The following PDE10A variants were observed in gnomAD, a reference collection of about 807,000 sequenced individuals.
PDE10A encodes the protein phosphodiesterase 10A.
Under a neutral mutation model 97.7 loss-of-function variants are expected in PDE10A, and 39 were observed. The ratio of observed to expected loss-of-function variants is 0.40; its 90% CI spans 0.31 to 0.52. The LOEUF (loss-of-function observed/expected upper bound fraction) is 0.52. Among genes scored for constraint, PDE10A ranks in the 20% least tolerant of loss-of-function variants. The pLI is 0.56. For synonymous variants in PDE10A, 371 were observed against 376.8 expected (o/e 0.98, Z 0.18); for missense variants, 731 against 1,047.8 (o/e 0.70, Z 4.17).
intron 1 of PDE10A, among the ~76,000 whole-genome samples, chr6:165,587,433 G>C (rs529502624): frequency 6.6e-4 from 101 of 152,234 alleles, no homozygotes; most frequent in African/African-American, 2.4e-3. Flanking sequence ...TAGGTTCTTG[G>C]GTCCTAGATG....
rs116983450 is a variant in PDE10A at position 165,503,316 on chromosome 6, G to A, written c.995-20973C>T. 1.7e-3 allele frequency among the ~76,000 whole-genome samples: 256 copies of A among 152,184 alleles called. 4 individuals are homozygous for A. In the East Asian group the frequency reaches 0.028, roughly 17 times the overall value. The stretch of plus-strand genomic sequence containing the variant: ...CATATTATTCCTTTCCCTTAAAACC[G>A]CTTCAAATCATTCTGCACAGTATCA... On this transcript the variant is annotated intron_variant, in intron 2 of 21. Coordinates refer to ENST00000539869, the MANE Select transcript of PDE10A (RefSeq NM_001385079.1).
intron 5 of PDE10A, among the ~76,000 whole-genome samples, chr6:165,440,410 T>G (rs939907209): frequency 3.3e-5 from 5 of 152,216 alleles, no homozygotes; most frequent in Admixed American, 3.3e-4. Context: ...AAAACTAAAA[T>G]GTGTTCTTCC....
At chr6:165,621,804 A>C (rs1018330512) in intron 1 of PDE10A, among the ~76,000 whole-genome samples, 6 of 150,990 alleles carry the variant, frequency 4.0e-5, no homozygotes, top group African/African-American at 1.5e-4. Context: ...GGATTGACAT[A>C]AAGGACCAAA....
At chr6:165,964,059 T>G (rs915108467) in intron 1 of PDE10A, among the ~76,000 whole-genome samples, 2 of 152,216 alleles carry the variant, frequency 1.3e-5, no homozygotes, top group Non-Finnish European at 2.9e-5. Flanking sequence ...ATGTAAAGGT[T>G]TCTCTCAGCT....
chr6:165,787,054 C>G (rs1361483672), intron 1 of PDE10A, among the ~76,000 whole-genome samples: 1 of 151,900 alleles, frequency 6.6e-6, no homozygotes, highest in Non-Finnish European at 1.5e-5. Flanking sequence ...TTTTCAAATT[C>G]AATTTAATGA....
chr6:165,759,237 G>A (rs1388829590), intron 1 of PDE10A, among the ~76,000 whole-genome samples: 9 of 152,108 alleles, frequency 5.9e-5, no homozygotes, highest in Non-Finnish European at 1.5e-5. Context: ...TCTTGGGAAG[G>A]TATTTTTAAT....
chr6:165,440,256 G>C (rs1236518028), intron 5 of PDE10A, among the ~76,000 whole-genome samples: 1 of 152,180 alleles, frequency 6.6e-6, no homozygotes, highest in East Asian at 1.9e-4. Context: ...CTGTGCACTT[G>C]AAGAAGGCAA....
At chr6:165,585,325 G>A (rs945125001) in intron 1 of PDE10A, among the ~76,000 whole-genome samples, 1 of 152,192 alleles carries the variant, frequency 6.6e-6, no homozygotes, top group Non-Finnish European at 1.5e-5. Flanking sequence ...TTTTATGTGG[G>A]AACTTGACTA....
At chr6:165,442,619 C>T (rs959585323) in intron 5 of PDE10A, among the ~76,000 whole-genome samples, 19 of 152,096 alleles carry the variant, frequency 1.2e-4, no homozygotes, top group African/African-American at 4.6e-4. Flanking sequence ...AAATCCGCCC[C>T]CATGATCCAA....
At chr6:165,724,309 C>T (rs1308506097) in intron 1 of PDE10A, among the ~76,000 whole-genome samples, 1 of 148,404 alleles carries the variant, frequency 6.7e-6, no homozygotes, top group Non-Finnish European at 1.5e-5. Context: ...CAAATGCTTC[C>T]TGCTCTCTTT....
intron 1 of PDE10A, among the ~76,000 whole-genome samples, chr6:165,886,979 T>C (rs186571385): frequency 5.6e-4 from 85 of 152,228 alleles, no homozygotes; most frequent in African/African-American, 2.0e-3. Context: ...GAGTTTAAAA[T>C]AAATAAATAA....
chr6:165,893,993 C>G (rs1323588190), intron 1 of PDE10A, among the ~76,000 whole-genome samples: 1 of 152,108 alleles, frequency 6.6e-6, no homozygotes, highest in Non-Finnish European at 1.5e-5. Flanking sequence ...TTGGTGCAGA[C>G]CAAGTGATGT....
At chr6:165,513,264 T>C (rs1781603372) in intron 2 of PDE10A, among the ~76,000 whole-genome samples, 1 of 152,060 alleles carries the variant, frequency 6.6e-6, no homozygotes, top group Non-Finnish European at 1.5e-5. Context: ...GTTTATATAA[T>C]GTATGAATAT....
chr6:165,340,988 G>A (rs561866979), intron 19 of PDE10A, among the ~76,000 whole-genome samples: 89 of 152,328 alleles, frequency 5.8e-4, no homozygotes, highest in South Asian at 4.6e-3. Context: ...TTAATTTCAA[G>A]CAACCTGGCA....
At chr6:165,601,378 C>T (rs144977687) in intron 1 of PDE10A, among the ~76,000 whole-genome samples, 211 of 152,242 alleles carry the variant, frequency 1.4e-3, no homozygotes, top group African/African-American at 4.8e-3. Flanking sequence ...ATAACAATTA[C>T]ATTTTTTACA....
At position 165,431,265 on chromosome 6, in the gene PDE10A, A is replaced by G. The variant is rs540206244; in HGVS notation, c.1542+157T>C. ...TATTTAAGGCAGGGAGTAAGTAAAT[A>G]TAACTGATTAAGTTAAAATTTCTAG... On this transcript the variant is annotated intron_variant, in intron 8 of 21. Transcript: ENST00000539869. 7.3e-4 allele frequency among the ~76,000 whole-genome samples: 110 copies of G among 151,128 alleles called. 1 individual carries two copies. The highest frequency in any genetic ancestry group is 2.6e-3 in the African/African-American group (107 of 41,380).
At chr6:165,746,780 A>G (rs547903386) in intron 1 of PDE10A, among the ~76,000 whole-genome samples, 1 of 152,344 alleles carries the variant, frequency 6.6e-6, no homozygotes, top group East Asian at 1.9e-4. Flanking sequence ...AGCTCGGCAA[A>G]TTATCCATAT....
chr6:165,434,259 C>T (rs1446194130), intron 6 of PDE10A, among the ~76,000 whole-genome samples: 1 of 128,688 alleles, frequency 7.8e-6, no homozygotes, highest in Non-Finnish European at 1.7e-5. Context: ...CCTTCCCTCC[C>T]TTCCTCCCTT....
At chr6:165,498,863 C>T (rs1245622805) in intron 2 of PDE10A, among the ~76,000 whole-genome samples, 1 of 152,108 alleles carries the variant, frequency 6.6e-6, no homozygotes, top group Non-Finnish European at 1.5e-5. Context: ...TTCATTGGTA[C>T]ATCTTAGAAC....
Sources: gnomAD v4.1 joint callset for allele counts (sites outside exome capture counted in the v4.1 genomes callset) on GRCh38, gnomAD v4.1.1 for gene constraint, MANE v1.5 for transcripts, NCBI Gene and HGNC (gene_info 2026-07-23, HGNC 2026-07-21) for gene names.